OR4N2: variants seen among roughly 807,000 people sequenced by gnomAD.
OR4N2 encodes the protein olfactory receptor family 4 subfamily N member 2, also known as olfactory receptor 4N2.
For missense variants in OR4N2, 307 were observed against 377.6 expected, an observed-to-expected ratio of 0.81 and a Z score of 1.55; for synonymous variants, 141 against 140.4, an observed-to-expected ratio of 1.00 and a Z score of -0.03.
rs1879792237 is a variant in OR4N2, at chr14:19,828,700, A to G, written c.*328A>G. On this transcript the variant is annotated 3_prime_UTR_variant, in exon 2 of 2. Transcript: ENST00000557677. ...AATTTGTGTTTAATAATCAAAAAAG[A>G]CCTTGAAGAGCTGACGTTTTGGATG... 4.1e-6 allele frequency: 1 copy of G among 243,328 alleles called. No individual in the cohort carries two copies. Among genetic ancestry groups the G allele is most frequent in the African/African-American group, 2.3e-5 (1 of 43,314 alleles). The allele number at this position is 243,328 out of a possible 1,614,324, so 15.1% of individuals were successfully genotyped here.
intron 1 of OR4N2, chr14:19,822,483 T>C (rs1406537035): frequency 6.6e-6 from 1 of 152,266 alleles, no homozygotes; most frequent in Non-Finnish European, 1.5e-5. Context: ...CATGTGGTTA[T>C]ATCATTCATT....
At chr14:19,808,193 T>C (rs1879211701) in intron 1 of OR4N2, among the ~76,000 whole-genome samples, 1 of 152,198 alleles carries the variant, frequency 6.6e-6, no homozygotes. Context: ...ATGTACATTC[T>C]TACCACTCTT....
chr14:19,823,337 A>G (rs1173439360), intron 1 of OR4N2, among the ~76,000 whole-genome samples: 2 of 152,228 alleles, frequency 1.3e-5, no homozygotes, highest in Admixed American at 6.5e-5. Context: ...TCTCATTTTT[A>G]TCAGGTTCAC....
At chr14:19,825,571 T>C (rs558990939) in intron 1 of OR4N2, among the ~76,000 whole-genome samples, 16 of 150,960 alleles carry the variant, frequency 1.1e-4, no homozygotes, top group South Asian at 6.3e-4. Flanking sequence ...ATTTATTTAT[T>C]TTGAGACGGA....
At chr14:19,821,594 C>G (rs74034590) in intron 1 of OR4N2, among the ~76,000 whole-genome samples, 1 of 152,206 alleles carries the variant, frequency 6.6e-6, no homozygotes, top group African/African-American at 2.4e-5. Context: ...TCTCAAACTT[C>G]TATTTATTTC....
At chr14:19,815,514 G>A (rs1348424874) in intron 1 of OR4N2, among the ~76,000 whole-genome samples, 1 of 152,270 alleles carries the variant, frequency 6.6e-6, no homozygotes, top group East Asian at 1.9e-4. Flanking sequence ...ACTTTTTGAT[G>A]GGGTTGTTTG....
At chr14:19,824,464 G>T (rs1427161910) in intron 1 of OR4N2, among the ~76,000 whole-genome samples, 2 of 152,186 alleles carry the variant, frequency 1.3e-5, no homozygotes, top group Admixed American at 1.3e-4. Context: ...AATGTCTCAG[G>T]GATATTGTTA....
chr14:19,813,423 A>T (rs534792809), intron 1 of OR4N2, among the ~76,000 whole-genome samples: 1 of 152,374 alleles, frequency 6.6e-6, no homozygotes, highest in African/African-American at 2.4e-5. Flanking sequence ...AGATTTGAAA[A>T]GGAAAGTTGT....
intron 1 of OR4N2, among the ~76,000 whole-genome samples, chr14:19,811,551 T>C (rs1490873595): frequency 6.6e-6 from 1 of 152,242 alleles, no homozygotes; most frequent in Non-Finnish European, 1.5e-5. Flanking sequence ...TGGCTACACA[T>C]AAAATTTTAA....
At chr14:19,804,891 A>G (rs1031819273) in intron 1 of OR4N2, among the ~76,000 whole-genome samples, 14 of 152,196 alleles carry the variant, frequency 9.2e-5, no homozygotes, top group African/African-American at 3.1e-4. Context: ...TTGGATGTAT[A>G]TATTCTTAGG....
At chr14:19,819,730 T>G (rs1196365548) in intron 1 of OR4N2, among the ~76,000 whole-genome samples, 1 of 152,260 alleles carries the variant, frequency 6.6e-6, no homozygotes, top group African/African-American at 2.4e-5. Context: ...GTTCCCTTGC[T>G]GGCAAGGAGT....
At chr14:19,825,354 T>C (rs1260189213) in intron 1 of OR4N2, among the ~76,000 whole-genome samples, 2 of 152,352 alleles carry the variant, frequency 1.3e-5, no homozygotes, top group East Asian at 3.9e-4. Flanking sequence ...ACTATATAGA[T>C]GTGCTGTCTG....
At chr14:19,819,838 T>C (rs1021869288) in intron 1 of OR4N2, among the ~76,000 whole-genome samples, 2 of 152,280 alleles carry the variant, frequency 1.3e-5, no homozygotes, top group South Asian at 2.1e-4. Context: ...ACTTTGTTCT[T>C]TGATGTTGGT....
chr14:19,812,826 G>A (rs1188981943), intron 1 of OR4N2, among the ~76,000 whole-genome samples: 2 of 152,102 alleles, frequency 1.3e-5, no homozygotes, highest in East Asian at 3.9e-4. Context: ...ATAAAAAGTG[G>A]TAATATTTTT....
At chr14:19,809,275 A>T (rs1227216977) in intron 1 of OR4N2, among the ~76,000 whole-genome samples, 6 of 152,228 alleles carry the variant, frequency 3.9e-5, no homozygotes, top group Non-Finnish European at 5.9e-5. Flanking sequence ...CCTAGGAAAT[A>T]CTCTTCTCAG....
chr14:19,814,197 A>G (rs962225506), intron 1 of OR4N2, among the ~76,000 whole-genome samples: 1 of 152,186 alleles, frequency 6.6e-6, no homozygotes, highest in Admixed American at 6.6e-5. Flanking sequence ...TGACTCAATT[A>G]ATTTTTAAAA....
chr14:19,823,564 T>G (rs1193997228), intron 1 of OR4N2, among the ~76,000 whole-genome samples: 3 of 152,224 alleles, frequency 2.0e-5, no homozygotes, highest in African/African-American at 7.2e-5. Flanking sequence ...GTTTTGTTTT[T>G]AGATGTATTA....
intron 1 of OR4N2, among the ~76,000 whole-genome samples, chr14:19,818,906 A>G (rs1879493767): frequency 6.6e-6 from 1 of 152,198 alleles, no homozygotes. Flanking sequence ...GTATTTTCTT[A>G]TCTGTAAAGG....
At chr14:19,824,764 T>C (rs143521653) in intron 1 of OR4N2, among the ~76,000 whole-genome samples, 104 of 152,392 alleles carry the variant, frequency 6.8e-4, no homozygotes, top group African/African-American at 2.2e-3. Flanking sequence ...GATTTTGTTA[T>C]ATTTTATTTT....
Sources: gnomAD v4.1 joint callset for allele counts (sites outside exome capture counted in the v4.1 genomes callset) on GRCh38, gnomAD v4.1.1 for gene constraint, MANE v1.5 for transcripts, NCBI Gene and HGNC (gene_info 2026-07-23, HGNC 2026-07-21) for gene names.